Variants in PTPRD observed in about 807,000 individuals in gnomAD.
PTPRD encodes the protein protein tyrosine phosphatase receptor type D, also known as receptor-type tyrosine-protein phosphatase delta.
PTPRD carries 34 observed loss-of-function variants against 214.5 expected under a neutral mutation model. The ratio of observed to expected loss-of-function variants is 0.16; its 90% CI spans 0.12 to 0.21. The LOEUF (loss-of-function observed/expected upper bound fraction) is 0.21, where lower values mean the gene tolerates loss of function less well. Ranked by LOEUF, PTPRD falls within the 10% of genes least tolerant of loss-of-function variation. The pLI is 1.00. For missense variants in PTPRD, 2,545 were observed against 2,398.7 expected (o/e 1.06, Z -1.27); for synonymous variants, 1,128 against 845.7 (o/e 1.33, Z -5.79).
chr9:9,366,717 G>A (rs754235826), intron 9 of PTPRD, among the ~76,000 whole-genome samples: 15 of 151,152 alleles, frequency 9.9e-5, no homozygotes, highest in Non-Finnish European at 1.8e-4. Flanking sequence ...TTAAAATAAC[G>A]AATCATTAAG....
chr9:9,606,965 TAAAAAAAAAAAAAAAA>T (rs754610072), intron 7 of PTPRD, among the ~76,000 whole-genome samples: 21 of 27,488 alleles, frequency 7.6e-4, no homozygotes, highest in South Asian at 2.6e-3. Flanking sequence ...TCAGCACTGC[TAAAAAAAAAAAAAAAA>T]AAAAAAAAAA....
At chr9:10,222,993 A>C (rs953116759) in intron 3 of PTPRD, among the ~76,000 whole-genome samples, 2 of 152,196 alleles carry the variant, frequency 1.3e-5, no homozygotes, top group East Asian at 3.9e-4. Flanking sequence ...GAGGGAAAGA[A>C]GTGAAAGACA....
intron 11 of PTPRD, among the ~76,000 whole-genome samples, chr9:8,901,325 C>T (rs2098667329): frequency 6.6e-6 from 1 of 152,116 alleles, no homozygotes; most frequent in African/African-American, 2.4e-5. Context: ...AGAAACAAGC[C>T]AATGGCAAAA....
intron 10 of PTPRD, among the ~76,000 whole-genome samples, chr9:9,147,704 A>G (rs1352215403): frequency 6.6e-6 from 1 of 152,134 alleles, no homozygotes; most frequent in Non-Finnish European, 1.5e-5. Flanking sequence ...TATGTCCCAC[A>G]AAGTCTAAAT....
intron 39 of PTPRD, among the ~76,000 whole-genome samples, chr9:8,362,574 G>A (rs1246874692): frequency 3.9e-5 from 6 of 152,198 alleles, no homozygotes; most frequent in Admixed American, 3.9e-4. Flanking sequence ...TTGACAAAGT[G>A]AGAGTTTAGG....
At chr9:9,031,896 G>A (rs2099606734) in intron 10 of PTPRD, among the ~76,000 whole-genome samples, 2 of 151,714 alleles carry the variant, frequency 1.3e-5, no homozygotes, top group Non-Finnish European at 2.9e-5. Context: ...CAAAAAATGG[G>A]GCATTTTACT....
At chr9:9,381,527 A>T (rs1253136869) in intron 9 of PTPRD, among the ~76,000 whole-genome samples, 5 of 151,476 alleles carry the variant, frequency 3.3e-5, no homozygotes, top group Non-Finnish European at 7.4e-5. Context: ...TACCCGGCTA[A>T]TTTTTGTATT....
intron 3 of PTPRD, among the ~76,000 whole-genome samples, chr9:10,135,545 T>G (rs1449009295): frequency 6.6e-6 from 1 of 152,024 alleles, no homozygotes; most frequent in Non-Finnish European, 1.5e-5. Context: ...GCAGGAACAT[T>G]ACAAGCCAGG....
intron 12 of PTPRD, among the ~76,000 whole-genome samples, chr9:8,683,700 G>A (rs1320288641): frequency 2.6e-5 from 4 of 152,202 alleles, no homozygotes; most frequent in African/African-American, 9.6e-5. Flanking sequence ...TGGGCACAGG[G>A]TTGTGACAGC....
intron 4 of PTPRD, among the ~76,000 whole-genome samples, chr9:9,939,483 A>G (rs955955080): frequency 2.0e-5 from 3 of 152,152 alleles, no homozygotes; most frequent in African/African-American, 7.2e-5. Context: ...AAGATCCTGC[A>G]ATTTGGTGAC....
chr9:9,269,338 G>A (rs889697523), intron 9 of PTPRD, among the ~76,000 whole-genome samples: 5 of 151,152 alleles, frequency 3.3e-5, no homozygotes, highest in African/African-American at 1.2e-4. Context: ...ATGGCCATTA[G>A]CAAAAAGTTA....
intron 27 of PTPRD, among the ~76,000 whole-genome samples, chr9:8,491,568 C>A (rs574295732): frequency 1.5e-4 from 22 of 151,502 alleles, no homozygotes; most frequent in Non-Finnish European, 2.8e-4. Flanking sequence ...GAGACTGGAT[C>A]CACAGCCAGA....
At chr9:9,591,814 G>A (rs1458097829) in intron 7 of PTPRD, among the ~76,000 whole-genome samples, 1 of 151,982 alleles carries the variant, frequency 6.6e-6, no homozygotes, top group Non-Finnish European at 1.5e-5. Flanking sequence ...TCTTTGTGGT[G>A]AGGGCATTCC....
At chr9:9,923,221 G>A (rs971256689) in intron 5 of PTPRD, among the ~76,000 whole-genome samples, 1 of 145,562 alleles carries the variant, frequency 6.9e-6, no homozygotes, top group Admixed American at 6.9e-5. Context: ...ATAGTGAGGT[G>A]TTGTATATTT....
rs1334290420 is a variant in PTPRD at position 8,964,190 on chromosome 9, G to GTTTTTTTTTTTTTTTTTTTTTTTTTTTT, written c.-104+54506_-104+54507insAAAAAAAAAAAAAAAAAAAAAAAAAAAA. The stretch of plus-strand genomic sequence containing the variant: ...CTGTGAATCTATCTAGTTCAGGGCT[G>GTTTTTTTTTTTTTTTTTTTTTTTTTTTT]TGTTTTTTTTTTTTTTTTTTTTTTT... On this transcript the variant is annotated intron_variant, in intron 11 of 45. Transcript: ENST00000381196. Among the ~76,000 whole-genome samples the GTTTTTTTTTTTTTTTTTTTTTTTTTTTT allele has an allele frequency of 2.8e-4, 15 of 52,952 alleles. 2 individuals are homozygous for GTTTTTTTTTTTTTTTTTTTTTTTTTTTT. Among genetic ancestry groups the GTTTTTTTTTTTTTTTTTTTTTTTTTTTT allele is most frequent in the Non-Finnish European group, 4.1e-4 (12 of 29,214 alleles). The allele number at this position is 52,952 out of a possible 152,430, so 34.7% of individuals were successfully genotyped here.
At chr9:10,473,829 T>G (rs1472656444) in intron 2 of PTPRD, among the ~76,000 whole-genome samples, 1 of 152,092 alleles carries the variant, frequency 6.6e-6, no homozygotes, top group Admixed American at 6.6e-5. Context: ...ATTGCCCCAT[T>G]GTTTTTATAA....
Position 10,173,760 on chromosome 9 carries a change from G to A in PTPRD, c.-544-139970C>T, listed in dbSNP as rs1163578303. ...GTCAGTCCTCATTCTTGAGGTAAAC[G>A]CCTTTGTGTCTGATGCTCTCACAGC... On this transcript the variant is annotated intron_variant, in intron 3 of 45. Transcript: ENST00000381196. 2.0e-5 allele frequency among the ~76,000 whole-genome samples: 3 copies of A among 151,584 alleles called. No individual in the cohort carries two copies. In the South Asian group the frequency reaches 6.3e-4, roughly 32 times the overall value.
chr9:9,237,848 G>T (rs1398945466), intron 9 of PTPRD, among the ~76,000 whole-genome samples: 1 of 152,074 alleles, frequency 6.6e-6, no homozygotes, highest in Non-Finnish European at 1.5e-5. Context: ...GATTTTTGAT[G>T]AGGTTAACAG....
chr9:8,665,646 GTTTTCCTGC>G (rs1451938033), intron 12 of PTPRD, among the ~76,000 whole-genome samples: 2 of 152,066 alleles, frequency 1.3e-5, no homozygotes, highest in African/African-American at 4.8e-5. Context: ...TGCCAAATCT[GTTTTCCTGC>G]TTTTCCTATT....
Sources: gnomAD v4.1 joint callset for allele counts (sites outside exome capture counted in the v4.1 genomes callset) on GRCh38, gnomAD v4.1.1 for gene constraint, MANE v1.5 for transcripts, NCBI Gene and HGNC (gene_info 2026-07-23, HGNC 2026-07-21) for gene names.